The following FNDC7 variants were observed in gnomAD, a reference collection of about 807,000 sequenced individuals.
FNDC7 encodes the protein fibronectin type III domain containing 7, also known as fibronectin type III domain-containing protein 7.
A neutral mutation model predicts 74.2 loss-of-function variants in FNDC7; 66 were observed. The observed-to-expected ratio is 0.89, with a 90% CI of 0.73 to 1.09. The LOEUF is 1.09. Among genes scored for constraint, FNDC7 ranks in the 50% least tolerant of loss-of-function variants. The pLI is 0.00. For synonymous variants in FNDC7, 307 were observed against 330.2 expected (o/e 0.93, Z 0.76); for missense variants, 829 against 893.4 (o/e 0.93, Z 0.92).
At chr1:108,721,885 A>C (rs1456665344) in intron 4 of FNDC7, among the ~76,000 whole-genome samples, 1 of 152,198 alleles carries the variant, frequency 6.6e-6, no homozygotes, top group Non-Finnish European at 1.5e-5. Flanking sequence ...GGATATGTTT[A>C]GTTTCATTGA....
intron 6 of FNDC7, among the ~76,000 whole-genome samples, chr1:108,726,235 T>C (rs1661217915): frequency 6.6e-6 from 1 of 152,244 alleles, no homozygotes. Flanking sequence ...AGAATGTAGT[T>C]GTTCAACCTT....
intron 11 of FNDC7, among the ~76,000 whole-genome samples, chr1:108,739,152 A>T (rs1018432597): frequency 2.6e-5 from 4 of 152,222 alleles, no homozygotes; most frequent in Admixed American, 1.3e-4. Flanking sequence ...AAAAAAATTT[A>T]AAAATGTTTG....
At chr1:108,727,141 A>G (rs1437292133) in intron 6 of FNDC7, among the ~76,000 whole-genome samples, 1 of 152,162 alleles carries the variant, frequency 6.6e-6, no homozygotes, top group East Asian at 1.9e-4. Flanking sequence ...CCTGGGCAAC[A>G]TGGAGAAACT....
chr1:108,734,011 T>C (rs928801620), intron 10 of FNDC7, among the ~76,000 whole-genome samples: 7 of 152,282 alleles, frequency 4.6e-5, no homozygotes, highest in Admixed American at 1.3e-4. Context: ...CCAAGATTCT[T>C]TGGAATTGTG....
chr1:108,722,599 A>G lies in FNDC7; in HGVS notation c.856+7A>G, dbSNP rs1160619821. On this transcript the variant is annotated splice_region_variant and intron_variant, in intron 5 of 12. Coordinates refer to ENST00000370017, the MANE Select transcript of FNDC7 (RefSeq NM_001144937.3). ...GCAATGACCCTGAAAACTGGTATGT[A>G]AACAAGAGTGAGACTGCTGTCGGGC... is the stretch of plus-strand genomic sequence containing the variant. The G allele has an allele frequency of 4.4e-6, 7 of 1,607,838 alleles. No homozygotes were observed. Among genetic ancestry groups the G allele is most frequent in the Non-Finnish European group, 5.1e-6 (6 of 1,175,474 alleles).
intron 6 of FNDC7, among the ~76,000 whole-genome samples, chr1:108,727,386 C>A (rs1346358534): frequency 6.6e-6 from 1 of 152,078 alleles, no homozygotes; most frequent in Non-Finnish European, 1.5e-5. Context: ...GAGCCCTACC[C>A]CCCAGTTTTA....
intron 4 of FNDC7, among the ~76,000 whole-genome samples, chr1:108,721,330 A>G (rs1661088135): frequency 1.3e-5 from 2 of 152,120 alleles, no homozygotes; most frequent in East Asian, 1.9e-4. Context: ...TTAGCAGAGC[A>G]TGGTGCCGGG....
chr1:108,732,313 G>A (rs1239470604), intron 9 of FNDC7, among the ~76,000 whole-genome samples: 2 of 138,924 alleles, frequency 1.4e-5, no homozygotes, highest in Non-Finnish European at 3.0e-5. Flanking sequence ...GAGCCGACCA[G>A]CCTGGGCAAC....
At chr1:108,720,557 A>G (rs1174333894) in intron 4 of FNDC7, among the ~76,000 whole-genome samples, 1 of 152,202 alleles carries the variant, frequency 6.6e-6, no homozygotes, top group Non-Finnish European at 1.5e-5. Context: ...GGCTGCTGGA[A>G]CCACAAACTG....
chr1:108,742,141 G>A lies in FNDC7; in HGVS notation c.*254G>A, dbSNP rs759040895. 95 of 328,734 alleles carry A rather than the reference G, an allele frequency of 2.9e-4. No individual in the cohort carries two copies. Among genetic ancestry groups the A allele is most frequent in the Non-Finnish European group, 4.5e-4 (80 of 178,902 alleles). 20.4% of individuals were successfully genotyped at this position (328,734 alleles called of 1,614,324 possible). On this transcript the variant is annotated 3_prime_UTR_variant, in exon 13 of 13. Transcript: ENST00000370017. ...AATGAATCCAGAAAGTCCCCTGGACGGCTGCTAGCCTGAGTTGGCACACTG... is the reference window on the plus strand; with the variant it reads ...AATGAATCCAGAAAGTCCCCTGGACAGCTGCTAGCCTGAGTTGGCACACTG...
At position 108,722,611 on chromosome 1, in the gene FNDC7, G is replaced by A; in HGVS notation, c.856+19G>A. 1 of 1,598,758 alleles carries A rather than the reference G, an allele frequency of 6.3e-7. No individual in the cohort carries two copies. Among genetic ancestry groups the A allele is most frequent in the Non-Finnish European group, 8.5e-7 (1 of 1,169,696 alleles). On this transcript the variant is annotated intron_variant, in intron 5 of 12. Transcript: ENST00000370017. ...AAAACTGGTATGTAAACAAGAGTGA[G>A]ACTGCTGTCGGGCTTGCAGCCCTGA...
At chr1:108,731,391 T>C (rs1448396888) in intron 9 of FNDC7, among the ~76,000 whole-genome samples, 1 of 152,262 alleles carries the variant, frequency 6.6e-6, no homozygotes. Flanking sequence ...CTGACAGTAT[T>C]GTACCTTGTT....
chr1:108,715,491 G>C (rs1660951593), intron 2 of FNDC7, among the ~76,000 whole-genome samples: 1 of 152,298 alleles, frequency 6.6e-6, no homozygotes, highest in African/African-American at 2.4e-5. Context: ...GTCACAGCCT[G>C]CCCTAAAACC....
At chr1:108,724,892 C>A (rs1435901985) in intron 5 of FNDC7, among the ~76,000 whole-genome samples, 1 of 151,850 alleles carries the variant, frequency 6.6e-6, no homozygotes, top group African/African-American at 2.4e-5. Context: ...ACCAGCCTGG[C>A]CAACATGGTG....
chr1:108,725,786 A>T lies in FNDC7; in HGVS notation c.893A>T (p.Asp298Val). The T allele has an allele frequency of 1.2e-6, 2 of 1,614,140 alleles. No individual in the cohort carries two copies. Among genetic ancestry groups the T allele is most frequent in the Non-Finnish European group, 1.7e-6 (2 of 1,179,988 alleles). The change falls in exon 6 of 13, where the codon GAT becomes GTT. Residue 298 changes from aspartate (D) to valine (V), a missense_variant. Asp to Val is a radical substitution (Grantham distance 152). Transcript: ENST00000370017. ...CAPGRVTIQE[D>V]PPGHLSVAWS... ...CCCGGAAGAGTGACGATCCAAGAAG[A>T]TCCCCCTGGCCACCTGTCTGTGGCT...
chr1:108,727,896 G>C lies in FNDC7; in HGVS notation c.1200G>C (p.Leu400=). 1 of 1,614,196 alleles carries C rather than the reference G, an allele frequency of 6.2e-7. No homozygotes were observed. Among genetic ancestry groups the C allele is most frequent in the Non-Finnish European group, 8.5e-7 (1 of 1,180,032 alleles). ...IVWSPVRGAE[L]YETKAVDGYN... is the part of the protein sequence containing the mutation. ...GGTCTCCTGTCCGTGGTGCCGAACTGTATGAAACCAAGGCTGTAGATGGGT... is the reference window on the plus strand; with the variant it reads ...GGTCTCCTGTCCGTGGTGCCGAACTCTATGAAACCAAGGCTGTAGATGGGT... Residue 400 remains leucine, a synonymous_variant, in exon 7 of 13, where the codon CTG becomes CTC. Coordinates refer to ENST00000370017, the MANE Select transcript of FNDC7 (RefSeq NM_001144937.3).
At position 108,718,050 on chromosome 1, in the gene FNDC7, A is replaced by G. The variant is rs1264701463; in HGVS notation, c.337+19A>G. On this transcript the variant is annotated intron_variant, in intron 3 of 12. Transcript: ENST00000370017. ...AAGACAGGTGGCTGGATGGATGCTC[A>G]TCCTCCGTTGAGTGTTTGCTTGTGA... 6.5e-7 allele frequency: 1 copy of G among 1,550,306 alleles called. No homozygotes were observed. The highest frequency in any genetic ancestry group is 2.0e-5 in the Admixed American group (1 of 50,986).
chr1:108,737,648 C>T (rs1661547310), intron 11 of FNDC7, 124 bp downstream of exon 11: 2 of 690,344 alleles, frequency 2.9e-6, no homozygotes, highest in Non-Finnish European at 4.9e-6. Context: ...CAAGGGGCTC[C>T]TGCTCTCTTA....
At chr1:108,714,535 T>C (rs867635320) in intron 2 of FNDC7, among the ~76,000 whole-genome samples, 51 of 152,172 alleles carry the variant, frequency 3.4e-4, no homozygotes, top group African/African-American at 1.2e-3. Context: ...TTACTTGTCT[T>C]ATTCTTGAGA....
Sources: allele counts gnomAD v4.1 joint callset (sites outside exome capture counted in the v4.1 genomes callset), GRCh38; gene constraint gnomAD v4.1.1; transcripts MANE v1.5; gene names NCBI Gene and HGNC (gene_info 2026-07-23, HGNC 2026-07-21).